TEX10: variants seen among roughly 807,000 people sequenced by gnomAD.
TEX10 encodes the protein testis-expressed protein 10.
In TEX10, 24 loss-of-function variants were observed where a neutral mutation model predicts 104.4. The ratio of observed to expected loss-of-function variants is 0.23; its 90% confidence interval spans 0.17 to 0.32. The LOEUF (loss-of-function observed/expected upper bound fraction) is 0.32, where lower values mean the gene tolerates loss of function less well. TEX10 is among the 10% of genes least tolerant of loss of function. The pLI is 1.00. For synonymous variants in TEX10, 396 were observed against 393.4 expected (o/e 1.01, Z -0.08); for missense variants, 921 against 1,083.9 (o/e 0.85, Z 2.11).
intron 14 of TEX10, among the ~76,000 whole-genome samples, 190 bp downstream of exon 14, chr9:100,303,442 C>A (rs1004903550): frequency 2.7e-5 from 4 of 147,196 alleles, no homozygotes; most frequent in East Asian, 3.9e-4. Flanking sequence ...AGACACACCC[C>A]CCCCCCCATT....
chr9:100,326,047 T>A (rs2118877438), intron 9 of TEX10, among the ~76,000 whole-genome samples: 1 of 152,196 alleles, frequency 6.6e-6, no homozygotes, highest in African/African-American at 2.4e-5. Context: ...TACCAATAAA[T>A]CCCTTACTAC....
chr9:100,349,248 T>G lies in TEX10; in HGVS notation c.116A>C (p.His39Pro), dbSNP rs1300808948. ...TPTNFKTKTI[H>P]LPEQLKEDGT... ...ATCCTCTTTGAGTTGCTCAGGCAGA[T>G]GTATAGTCTTTGTTTTAAAGTTTGT... Residue 39 changes from histidine (H) to proline (P), a missense_variant, in exon 2 of 15, where the codon CAT becomes CCT. Transcript: ENST00000374902. The G allele has an allele frequency of 6.2e-7, 1 of 1,605,116 alleles. No individual in the cohort carries two copies. Among genetic ancestry groups the G allele is most frequent in the South Asian group, 1.1e-5 (1 of 87,664 alleles).
intron 1 of TEX10, among the ~76,000 whole-genome samples, chr9:100,350,425 T>C (rs1004746257): frequency 4.6e-5 from 7 of 152,298 alleles, no homozygotes; most frequent in African/African-American, 1.2e-4. Context: ...GCAGGACATA[T>C]GAGGTCCTTC....
intron 5 of TEX10, among the ~76,000 whole-genome samples, chr9:100,332,614 G>A (rs1311991792): frequency 6.6e-6 from 1 of 152,120 alleles, no homozygotes; most frequent in East Asian, 1.9e-4. Context: ...GAGGTCAGGA[G>A]ATCGAGACCA....
At chr9:100,352,673 GAC>G in intron 1 of TEX10, 97 bp downstream of exon 1, 4 of 1,372,066 alleles carry the variant, frequency 2.9e-6, no homozygotes, top group Non-Finnish European at 3.8e-6. Flanking sequence ...GTGCACGGCC[GAC>G]CCTGCCCGCT....
At chr9:100,335,149 T>C (rs1020377994) in intron 5 of TEX10, among the ~76,000 whole-genome samples, 7 of 152,220 alleles carry the variant, frequency 4.6e-5, no homozygotes, top group East Asian at 1.9e-4. Context: ...AAATGCTTTA[T>C]GTACACTTCC....
Position 100,326,493 on chromosome 9 carries a change from T to C in TEX10, c.1802-14A>G, listed in dbSNP as rs140942118. On this transcript the variant is annotated splice_polypyrimidine_tract_variant and intron_variant, in intron 8 of 14. Coordinates refer to ENST00000374902, the MANE Select transcript of TEX10 (RefSeq NM_017746.4). ...CTTCTTGTGGATCTAGTGAGGTGGA[T>C]AGACATATTAAAAACAACTATAAAA... The C allele has an allele frequency of 1.8e-4, 282 of 1,595,652 alleles. 1 individual carries two copies. In the African/African-American group the frequency reaches 2.6e-3, roughly 15 times the overall value.
chr9:100,309,972 G>C (rs1448264894), intron 12 of TEX10, among the ~76,000 whole-genome samples: 1 of 152,128 alleles, frequency 6.6e-6, no homozygotes, highest in Non-Finnish European at 1.5e-5. Context: ...TCTAGATGTT[G>C]AATTCTCAAT....
chr9:100,307,462 G>A (rs575701601), intron 13 of TEX10: 8 of 152,236 alleles, frequency 5.3e-5, no homozygotes, highest in South Asian at 4.1e-4. Flanking sequence ...AAATAAAAAC[G>A]AATGAAATAC....
chr9:100,313,183 A>G (rs549295769), intron 11 of TEX10, among the ~76,000 whole-genome samples: 83 of 152,338 alleles, frequency 5.4e-4, no homozygotes, highest in African/African-American at 1.9e-3. Flanking sequence ...TTAGGATGAC[A>G]TAATTTTGCA....
intron 13 of TEX10, chr9:100,306,164 A>G (rs1002723670): frequency 1.3e-5 from 2 of 152,206 alleles, no homozygotes; most frequent in African/African-American, 4.8e-5. Flanking sequence ...AGAATTAGCA[A>G]ATTGAAAGAT....
chr9:100,352,808 G>A lies in TEX10; in HGVS notation c.-46C>T, dbSNP rs1021864209. The stretch of plus-strand genomic sequence containing the variant: ...GCCGCGGCCGGGGCGAGAAGCCCGA[G>A]AAGACAAGCGAGGGAGCAGAAGCCC... On this transcript the variant is annotated 5_prime_UTR_variant, in exon 1 of 15. Transcript: ENST00000374902. 4 of 1,053,566 alleles carry A rather than the reference G, an allele frequency of 3.8e-6. No individual in the cohort carries two copies. The highest frequency in any genetic ancestry group is 3.9e-5 in the South Asian group (1 of 25,540). The allele number at this position is 1,053,566 out of a possible 1,614,324, so 65.3% of individuals were successfully genotyped here.
At chr9:100,314,465 C>T (rs1273303542) in intron 11 of TEX10, among the ~76,000 whole-genome samples, 3 of 152,142 alleles carry the variant, frequency 2.0e-5, no homozygotes, top group African/African-American at 7.2e-5. Flanking sequence ...CTGGTTCAAC[C>T]TTGGGGAGTT....
chr9:100,352,555 A>T lies in TEX10; in HGVS notation c.-10+217T>A, dbSNP rs1031492892. On this transcript the variant is annotated intron_variant, in intron 1 of 14. Coordinates refer to ENST00000374902, the MANE Select transcript of TEX10 (RefSeq NM_017746.4). ...CGAAACCAGGCGAACCCGCCCAGTCACCTGAAGCTCCGCAAACGCCCTAGG... is the reference window on the plus strand; with the variant it reads ...CGAAACCAGGCGAACCCGCCCAGTCTCCTGAAGCTCCGCAAACGCCCTAGG... The T allele has an allele frequency of 2.4e-5, 37 of 1,542,792 alleles. No homozygotes were observed. In the African/African-American group the frequency reaches 4.0e-4, roughly 17 times the overall value.
chr9:100,330,127 G>A lies in TEX10; in HGVS notation c.1293C>T (p.Leu431=), dbSNP rs1188653422. Residue 431 remains leucine (L), a synonymous_variant, in exon 6 of 15, where the codon CTC becomes CTT. Coordinates refer to ENST00000374902, the MANE Select transcript of TEX10 (RefSeq NM_017746.4). ...CTVLSNNIDH[L]LLNLTLSDIM... is the part of the protein sequence containing the mutation. ...TATCAGACAGTGTTAAATTCAGTAA[G>A]AGATGATCTATGTTATTGGAGAGAA... 1 of 1,613,954 alleles carries A rather than the reference G, an allele frequency of 6.2e-7. No homozygotes were observed.
intron 9 of TEX10, 41 bp from the exon 10 acceptor site, chr9:100,321,812 A>G: frequency 6.9e-7 from 1 of 1,439,708 alleles, no homozygotes; most frequent in Non-Finnish European, 9.7e-7. Context: ...GAAGTGACCA[A>G]CTTGACAGAC....
intron 5 of TEX10, among the ~76,000 whole-genome samples, chr9:100,338,182 C>T (rs1441145899): frequency 6.6e-6 from 1 of 152,174 alleles, no homozygotes; most frequent in Non-Finnish European, 1.5e-5. Flanking sequence ...TGTTTGCTTG[C>T]TAGTTTTGTT....
At chr9:100,324,779 A>C (rs1196518247) in intron 9 of TEX10, among the ~76,000 whole-genome samples, 1 of 152,220 alleles carries the variant, frequency 6.6e-6, no homozygotes, top group Non-Finnish European at 1.5e-5. Flanking sequence ...AATGTAAGTT[A>C]TATCTAAGGA....
At chr9:100,340,940 C>G (rs1353368360) in intron 4 of TEX10, among the ~76,000 whole-genome samples, 1 of 151,994 alleles carries the variant, frequency 6.6e-6, no homozygotes, top group East Asian at 1.9e-4. Flanking sequence ...ACTTGAGGTG[C>G]TAAAACAGCT....
Sources: allele counts gnomAD v4.1 joint callset (sites outside exome capture counted in the v4.1 genomes callset), GRCh38; gene constraint gnomAD v4.1.1; transcripts MANE v1.5; gene names NCBI Gene and HGNC (gene_info 2026-07-23, HGNC 2026-07-21).